The following NEGR1 variants were observed in gnomAD, a reference collection of about 807,000 sequenced individuals.
The protein encoded by NEGR1 is neuronal growth regulator 1.
Under a neutral mutation model 40.9 loss-of-function variants are expected in NEGR1, and 10 were observed. That is an observed-to-expected ratio of 0.24 (90% confidence interval 0.15 to 0.42). NEGR1 has a LOEUF of 0.42. Among genes scored for constraint, NEGR1 ranks in the 10% least tolerant of loss-of-function variants. NEGR1 has a pLI of 1.00. For synonymous variants in NEGR1, 185 were observed against 166.8 expected (o/e 1.11, Z -0.84); for missense variants, 352 against 438.9 (o/e 0.80, Z 1.77).
intron 6 of NEGR1, among the ~76,000 whole-genome samples, chr1:71,547,744 C>T (rs187444865): frequency 1.5e-3 from 229 of 150,262 alleles, no homozygotes; most frequent in Non-Finnish European, 2.9e-3. Context: ...GCAGCCATGG[C>T]ATCTGTGGTT....
chr1:72,136,870 G>T (rs762908487), intron 1 of NEGR1, among the ~76,000 whole-genome samples: 5 of 151,860 alleles, frequency 3.3e-5, no homozygotes, highest in Non-Finnish European at 7.4e-5. Flanking sequence ...CTAATATCCA[G>T]AATCTACAAA....
chr1:71,976,924 T>G (rs1435796249), intron 1 of NEGR1, among the ~76,000 whole-genome samples: 2 of 152,226 alleles, frequency 1.3e-5, no homozygotes, highest in African/African-American at 2.4e-5. Context: ...AGTTTTGGCC[T>G]TAGTTTATAT....
At chr1:71,602,089 T>A (rs986941609) in intron 5 of NEGR1, among the ~76,000 whole-genome samples, 1 of 152,122 alleles carries the variant, frequency 6.6e-6, no homozygotes, top group African/African-American at 2.4e-5. Flanking sequence ...TTGTAACATT[T>A]AAGACCCTCC....
intron 1 of NEGR1, among the ~76,000 whole-genome samples, chr1:72,006,033 T>C (rs1282586390): frequency 1.3e-5 from 2 of 152,222 alleles, no homozygotes; most frequent in Admixed American, 6.6e-5. Context: ...CATGATGGGC[T>C]ACCAGATTTG....
chr1:72,245,030 C>T (rs72682752), intron 1 of NEGR1, among the ~76,000 whole-genome samples: 21,492 of 151,850 alleles, frequency 0.14, 1,808 homozygotes, highest in Non-Finnish European at 0.19. Context: ...ATTTATAGTA[C>T]GAGAGTTGAA....
intron 2 of NEGR1, among the ~76,000 whole-genome samples, chr1:71,832,901 A>G (rs749388783): frequency 6.6e-6 from 1 of 152,032 alleles, no homozygotes; most frequent in Non-Finnish European, 1.5e-5. Flanking sequence ...GTTGACTACA[A>G]ATTACATGTT....
chr1:71,613,919 T>C (rs533401927), intron 4 of NEGR1, among the ~76,000 whole-genome samples: 2 of 152,240 alleles, frequency 1.3e-5, no homozygotes, highest in East Asian at 3.9e-4. Flanking sequence ...GGTTTATCAA[T>C]ATTCAGTGAA....
At chr1:71,873,200 T>A (rs1278118905) in intron 2 of NEGR1, among the ~76,000 whole-genome samples, 1 of 150,594 alleles carries the variant, frequency 6.6e-6, no homozygotes. Flanking sequence ...TTTATCTACA[T>A]GAATAACATT....
At chr1:71,652,822 C>T (rs1325599404) in intron 4 of NEGR1, among the ~76,000 whole-genome samples, 7 of 151,928 alleles carry the variant, frequency 4.6e-5, no homozygotes, top group Admixed American at 3.3e-4. Flanking sequence ...AGAGATCATA[C>T]TACTGCATTC....
intron 4 of NEGR1, among the ~76,000 whole-genome samples, chr1:71,650,249 T>C (rs1404051299): frequency 6.6e-6 from 1 of 152,154 alleles, no homozygotes; most frequent in Non-Finnish European, 1.5e-5. Flanking sequence ...GAAATTTCAG[T>C]GACCCCTGAA....
rs3077144 is a variant in NEGR1, at chr1:71,744,342, A to AAATAATAATAATAATAAT, written c.535+31812_535+31829dup. 5.7e-5 allele frequency among the ~76,000 whole-genome samples: 8 copies of AAATAATAATAATAATAAT among 141,180 alleles called. No individual in the cohort carries two copies. The South Asian group carries it at 1.1e-3, about 20-fold the overall frequency. 92.6% of individuals were successfully genotyped at this position (141,180 alleles called of 152,430 possible). A position where few individuals can be genotyped will look rare whatever the true frequency, so the allele number is the denominator to read the frequency against. The stretch of plus-strand genomic sequence containing the variant: ...ATGGAGCACATAGCAAGTACTCTGT[A>AAATAATAATAATAATAAT]AATAATAATAATAATAATAATAATA... On this transcript the variant is annotated intron_variant, in intron 3 of 6. Transcript: ENST00000357731.
chr1:72,241,402 T>G (rs1654739620), intron 1 of NEGR1, among the ~76,000 whole-genome samples: 1 of 151,602 alleles, frequency 6.6e-6, no homozygotes, highest in Non-Finnish European at 1.5e-5. Context: ...TAATTCTCTG[T>G]GAGAACTTTA....
chr1:72,156,169 T>C (rs1433531500), intron 1 of NEGR1, among the ~76,000 whole-genome samples: 1 of 152,166 alleles, frequency 6.6e-6, no homozygotes, highest in Non-Finnish European at 1.5e-5. Flanking sequence ...TTAGAAATTT[T>C]CACAGATGTA....
chr1:71,723,600 C>T (rs756328323), intron 3 of NEGR1, among the ~76,000 whole-genome samples: 24 of 152,142 alleles, frequency 1.6e-4, no homozygotes, highest in African/African-American at 5.1e-4. Flanking sequence ...TCCACAGAGA[C>T]GGAAGTTTCT....
chr1:71,939,636 G>A (rs933374451), intron 1 of NEGR1, among the ~76,000 whole-genome samples: 2 of 152,096 alleles, frequency 1.3e-5, no homozygotes, highest in Non-Finnish European at 2.9e-5. Context: ...ATCAGTAAGT[G>A]AAGAACTAAG....
intron 1 of NEGR1, among the ~76,000 whole-genome samples, chr1:72,208,350 T>A (rs1391794860): frequency 6.6e-6 from 1 of 151,740 alleles, no homozygotes; most frequent in Non-Finnish European, 1.5e-5. Context: ...TGTCAAATTA[T>A]GAAAATATTC....
chr1:71,836,576 G>A (rs531253829), intron 2 of NEGR1, among the ~76,000 whole-genome samples: 8 of 151,638 alleles, frequency 5.3e-5, no homozygotes, highest in Middle Eastern at 3.4e-3. Context: ...ATTTCTTCCT[G>A]TGTATATCAA....
chr1:72,012,099 T>C (rs1305521205), intron 1 of NEGR1, among the ~76,000 whole-genome samples: 2 of 152,112 alleles, frequency 1.3e-5, no homozygotes, highest in Non-Finnish European at 2.9e-5. Flanking sequence ...AATAAGTATA[T>C]GAAATTATTG....
At chr1:71,848,809 C>T (rs1659504196) in intron 2 of NEGR1, among the ~76,000 whole-genome samples, 1 of 152,076 alleles carries the variant, frequency 6.6e-6, no homozygotes, top group African/African-American at 2.4e-5. Flanking sequence ...ATTTCATGGC[C>T]AGGTGCAGTG....
Sources: allele counts gnomAD v4.1 joint callset (sites outside exome capture counted in the v4.1 genomes callset), GRCh38; gene constraint gnomAD v4.1.1; transcripts MANE v1.5; gene names NCBI Gene and HGNC (gene_info 2026-07-23, HGNC 2026-07-21).